The following DIP2B variants were observed in gnomAD, a reference collection of about 807,000 sequenced individuals.
DIP2B encodes DIP2 acetate--CoA ligase B (putative).
A neutral mutation model predicts 198.0 loss-of-function variants in DIP2B; 76 were observed. The ratio of observed to expected loss-of-function variants is 0.38; its 90% CI spans 0.32 to 0.46. The LOEUF (loss-of-function observed/expected upper bound fraction) is 0.46, where lower values mean the gene tolerates loss of function less well. Among genes scored for constraint, DIP2B ranks in the 20% least tolerant of loss-of-function variants. DIP2B has a pLI of 0.99. For missense variants in DIP2B, 1,559 were observed against 1,978.4 expected, an observed-to-expected ratio of 0.79 and a Z score of 4.02; for synonymous variants, 701 against 739.1, an observed-to-expected ratio of 0.95 and a Z score of 0.84.
Position 50,685,843 on chromosome 12 carries a change from G to A in DIP2B, c.1328G>A (p.Gly443Asp), listed in dbSNP as rs770410768. 6.2e-7 allele frequency: 1 copy of A among 1,613,626 alleles called. No homozygotes were observed. The highest frequency in any genetic ancestry group is 1.1e-5 in the South Asian group (1 of 91,032). ...EVPLTRKDAG[G>D]QQIGFLLGSC... ...ATCATTTCTCCACAGGATGCTGGAG[G>A]TCAGCAGATTGGCTTCTTGCTAGGA... The change falls in exon 11 of 38, where the codon GGT (glycine) becomes GAT (aspartate). Residue 443 changes from glycine to aspartate, a missense_variant. Gly to Asp is a moderately conservative substitution (Grantham distance 94). Transcript: ENST00000301180.
intron 1 of DIP2B, among the ~76,000 whole-genome samples, chr12:50,536,709 A>G (rs1214855980): frequency 6.6e-6 from 1 of 151,784 alleles, no homozygotes; most frequent in African/African-American, 2.4e-5. Context: ...CTGGGACTAC[A>G]GTTGCATGCC....
At chr12:50,675,268 T>TGA in intron 6 of DIP2B, 61 bp from the exon 7 acceptor site, 1 of 1,581,672 alleles carries the variant, frequency 6.3e-7, no homozygotes, top group Non-Finnish European at 8.6e-7. Flanking sequence ...CTGAGGGAAC[T>TGA]GAGGAACTAA....
chr12:50,607,913 C>T (rs1283530101), intron 1 of DIP2B, among the ~76,000 whole-genome samples: 4 of 152,200 alleles, frequency 2.6e-5, no homozygotes, highest in Non-Finnish European at 5.9e-5. Flanking sequence ...CCTGCCTTAG[C>T]CTTCTGAGTA....
chr12:50,650,839 T>C (rs2684896), intron 3 of DIP2B, among the ~76,000 whole-genome samples: 145,701 of 152,244 alleles, frequency 0.96, 70,059 homozygotes, highest in East Asian at 1. Context: ...TGGAATTGCT[T>C]GGTCATATGG....
Position 50,683,254 on chromosome 12 carries a change from A to T in DIP2B, c.1317+6A>T. 6.2e-7 allele frequency: 1 copy of T among 1,605,204 alleles called. No homozygotes were observed. The highest frequency in any genetic ancestry group is 1.1e-5 in the South Asian group (1 of 89,288). ...AGGTACCTCTTACCAGAAAGGTAAC[A>T]TTGCTAAATTTAAGAGGAATGTAGC... On this transcript the variant is annotated splice_donor_region_variant and intron_variant, in intron 10 of 37. Transcript: ENST00000301180.
At chr12:50,741,053 A>C (rs921277105) in intron 36 of DIP2B, among the ~76,000 whole-genome samples, 2 of 152,154 alleles carry the variant, frequency 1.3e-5, no homozygotes, top group Non-Finnish European at 2.9e-5. Context: ...CCCCCACCTC[A>C]GCTGTAAGGA....
chr12:50,696,521 T>G (rs933695782), intron 16 of DIP2B, among the ~76,000 whole-genome samples: 9 of 152,242 alleles, frequency 5.9e-5, no homozygotes, highest in African/African-American at 2.2e-4. Flanking sequence ...AACTGGGTAT[T>G]CCTGTGTTAC....
chr12:50,698,528 C>G (rs912625226), intron 18 of DIP2B, 61 bp downstream of exon 18: 1 of 1,558,906 alleles, frequency 6.4e-7, no homozygotes, highest in Non-Finnish European at 8.7e-7. Context: ...GATAATAGAG[C>G]CTGATAAAAT....
intron 25 of DIP2B, among the ~76,000 whole-genome samples, chr12:50,720,056 G>A (rs376472558): frequency 6.6e-6 from 1 of 150,806 alleles, no homozygotes; most frequent in African/African-American, 2.4e-5. Context: ...TCAGCGTCCC[G>A]AGTAGCTGGG....
chr12:50,673,801 C>T (rs904578937), intron 5 of DIP2B, among the ~76,000 whole-genome samples: 2 of 152,110 alleles, frequency 1.3e-5, no homozygotes, highest in Non-Finnish European at 2.9e-5. Flanking sequence ...TAAAAAGAAT[C>T]CCTATGTGCG....
intron 1 of DIP2B, among the ~76,000 whole-genome samples, chr12:50,570,420 G>T (rs1043443478): frequency 1.2e-4 from 18 of 152,174 alleles, no homozygotes; most frequent in Non-Finnish European, 1.5e-5. Context: ...AAAGATACAG[G>T]CAGTAAATGG....
intron 1 of DIP2B, among the ~76,000 whole-genome samples, chr12:50,520,722 A>G (rs1030640488): frequency 6.6e-6 from 1 of 152,234 alleles, no homozygotes; most frequent in Non-Finnish European, 1.5e-5. Context: ...TATTATTTGC[A>G]TAAATATTCT....
chr12:50,594,532 T>C (rs778515517), intron 1 of DIP2B, among the ~76,000 whole-genome samples: 1 of 152,232 alleles, frequency 6.6e-6, no homozygotes, highest in Non-Finnish European at 1.5e-5. Context: ...AGCAGAATTT[T>C]CTTTAATTTT....
At position 50,710,434 on chromosome 12, in the gene DIP2B, T is replaced by G. The variant is rs146311391; in HGVS notation, c.2649+1872T>G. ...CTAGATGACTGTTTTGTTTTGTTTT[T>G]TTTTTTGAGATGGAGTTTCTCTCCT... On this transcript the variant is annotated intron_variant, in intron 22 of 37. Coordinates refer to ENST00000301180, the MANE Select transcript of DIP2B (RefSeq NM_173602.3). Among the ~76,000 whole-genome samples, 819 of 152,214 alleles carry G rather than the reference T, an allele frequency of 5.4e-3. 6 individuals carry two copies. Among genetic ancestry groups the G allele is most frequent in the Non-Finnish European group, 7.8e-3 (533 of 67,988 alleles).
intron 1 of DIP2B, among the ~76,000 whole-genome samples, chr12:50,527,548 G>A (rs1958177718): frequency 6.6e-6 from 1 of 152,136 alleles, no homozygotes; most frequent in Admixed American, 6.6e-5. Flanking sequence ...GGCCGAGGCG[G>A]GAGGATTGCT....
At chr12:50,735,163 G>T in intron 34 of DIP2B, 33 bp downstream of exon 34, 1 of 1,612,740 alleles carries the variant, frequency 6.2e-7, no homozygotes, top group South Asian at 1.1e-5. Flanking sequence ...GGGAAGGTGG[G>T]CTGTGTGGAG....
In DIP2B at chr12:50,581,820, T is replaced by A. The variant is rs555663729; in HGVS notation, c.101-44156T>A. On this transcript the variant is annotated intron_variant, in intron 1 of 37. Coordinates refer to ENST00000301180, the MANE Select transcript of DIP2B (RefSeq NM_173602.3). ...GAAAGTTAATGAAGATGAGCTCATTTGTTGCAGCAGTTTCATGAGGTATAC... is the reference window on the plus strand; with the variant it reads ...GAAAGTTAATGAAGATGAGCTCATTAGTTGCAGCAGTTTCATGAGGTATAC... Among the ~76,000 whole-genome samples, 4 of 152,376 alleles carry A rather than the reference T, an allele frequency of 2.6e-5. No homozygotes were observed. The East Asian group carries it at 5.8e-4, about 22-fold the overall frequency.
intron 19 of DIP2B, among the ~76,000 whole-genome samples, chr12:50,703,116 GGGAGGCTGA>G (rs1466851154): frequency 7.3e-5 from 11 of 151,686 alleles, no homozygotes; most frequent in African/African-American, 2.7e-4. Context: ...CCAGATCCTT[GGGAGGCTGA>G]GGTGGGAGGA....
chr12:50,626,370 C>T (rs974845765), intron 2 of DIP2B, among the ~76,000 whole-genome samples: 3 of 152,078 alleles, frequency 2.0e-5, no homozygotes, highest in Non-Finnish European at 2.9e-5. Context: ...TGATGGTGCA[C>T]AAACCGTGAT....
Sources: gnomAD v4.1 joint callset for allele counts (sites outside exome capture counted in the v4.1 genomes callset) on GRCh38, gnomAD v4.1.1 for gene constraint, MANE v1.5 for transcripts, NCBI Gene and HGNC (gene_info 2026-07-23, HGNC 2026-07-21) for gene names.